The following MYO5A variants were observed in gnomAD, a reference collection of about 807,000 sequenced individuals.
MYO5A encodes the protein unconventional myosin-Va.
In MYO5A, 98 loss-of-function variants were observed where a neutral mutation model predicts 249.7. That is an observed-to-expected ratio of 0.39 (90% CI 0.33 to 0.46). The LOEUF is 0.46. Among genes scored for constraint, MYO5A ranks in the 20% least tolerant of loss-of-function variants. The probability of loss-of-function intolerance (pLI) is 0.98; values close to 1 mark genes in which losing one functional copy is unlikely to be tolerated. For missense variants in MYO5A, 1,696 were observed against 2,308.8 expected, an observed-to-expected ratio of 0.73 and a Z score of 5.44; for synonymous variants, 778 against 810.6, an observed-to-expected ratio of 0.96 and a Z score of 0.68.
chr15:52,358,836 T>C (rs1338345582), intron 25 of MYO5A, among the ~76,000 whole-genome samples: 2 of 152,076 alleles, frequency 1.3e-5, no homozygotes, highest in East Asian at 1.9e-4. Context: ...TACATAGCAA[T>C]AGATAACTGG....
chr15:52,431,545 G>A (rs1417144320), intron 2 of MYO5A, among the ~76,000 whole-genome samples: 1 of 151,914 alleles, frequency 6.6e-6, no homozygotes, highest in Admixed American at 6.6e-5. Flanking sequence ...GCTGAGAAGT[G>A]GTGTCATCTC....
intron 1 of MYO5A, among the ~76,000 whole-genome samples, chr15:52,443,183 A>G (rs2075819721): frequency 6.6e-6 from 1 of 152,190 alleles, no homozygotes; most frequent in Non-Finnish European, 1.5e-5. Context: ...CTAAGACAAC[A>G]TGTCAAAGCC....
intron 40 of MYO5A, among the ~76,000 whole-genome samples, chr15:52,315,613 ATCTG>A (rs1197757796): frequency 4.1e-5 from 6 of 147,074 alleles, no homozygotes; most frequent in African/African-American, 1.3e-4. Context: ...ACCTCAGGTG[ATCTG>A]TCTGCCTCAG....
intron 1 of MYO5A, among the ~76,000 whole-genome samples, chr15:52,511,426 C>G (rs2077387427): frequency 6.6e-6 from 1 of 152,176 alleles, no homozygotes; most frequent in Admixed American, 6.5e-5. Flanking sequence ...TCTTGAATAA[C>G]TGCCTCTGCT....
chr15:52,421,133 C>T (rs960275859), intron 4 of MYO5A, among the ~76,000 whole-genome samples: 1 of 152,072 alleles, frequency 6.6e-6, no homozygotes, highest in Non-Finnish European at 1.5e-5. Context: ...TTACTTAAAG[C>T]CTATTTGCAT....
chr15:52,443,840 G>A (rs1270617893), intron 1 of MYO5A, among the ~76,000 whole-genome samples: 2 of 152,002 alleles, frequency 1.3e-5, no homozygotes, highest in African/African-American at 4.8e-5. Flanking sequence ...AATTAACTGG[G>A]AGTGGTGACA....
chr15:52,434,881 G>A (rs939657249), intron 1 of MYO5A, among the ~76,000 whole-genome samples: 2 of 152,136 alleles, frequency 1.3e-5, no homozygotes, highest in Non-Finnish European at 1.5e-5. Context: ...GACTGAACCC[G>A]GTCTCTGGCC....
intron 25 of MYO5A, among the ~76,000 whole-genome samples, chr15:52,356,030 A>G (rs888361599): frequency 6.6e-6 from 1 of 152,210 alleles, no homozygotes; most frequent in African/African-American, 2.4e-5. Flanking sequence ...GAAGTTGTGG[A>G]TGCCATAATT....
At chr15:52,492,671 C>T (rs1724582) in intron 1 of MYO5A, among the ~76,000 whole-genome samples, 140,930 of 152,220 alleles carry the variant, frequency 0.93, 66,011 homozygotes, top group East Asian at 1. Flanking sequence ...TTCCAAAGGA[C>T]AGCAATCAGG....
chr15:52,411,189 A>C (rs1208081853), intron 5 of MYO5A, among the ~76,000 whole-genome samples: 1 of 152,226 alleles, frequency 6.6e-6, no homozygotes, highest in Non-Finnish European at 1.5e-5. Flanking sequence ...CTTTACATAA[A>C]TAAGATGGTT....
At chr15:52,331,086 AG>A (rs1460082621) in intron 34 of MYO5A, among the ~76,000 whole-genome samples, 1 of 152,240 alleles carries the variant, frequency 6.6e-6, no homozygotes, top group Non-Finnish European at 1.5e-5. Flanking sequence ...TTTTTCACAA[AG>A]GCCTCATATG....
intron 1 of MYO5A, among the ~76,000 whole-genome samples, chr15:52,446,292 A>G (rs2141355093): frequency 6.6e-6 from 1 of 152,332 alleles, no homozygotes; most frequent in East Asian, 1.9e-4. Context: ...AGGGTCAAAA[A>G]AGCCGGGGTA....
At chr15:52,399,783 A>G (rs1490874968) in intron 9 of MYO5A, among the ~76,000 whole-genome samples, 2 of 152,142 alleles carry the variant, frequency 1.3e-5, no homozygotes, top group Non-Finnish European at 2.9e-5. Flanking sequence ...GGTAGTGTGC[A>G]TAGCTGCCAA....
rs749228309 is a variant in MYO5A at position 52,410,311 on chromosome 15, T to G, written c.756+22A>C. On this transcript the variant is annotated intron_variant, in intron 6 of 41. Transcript: ENST00000399233. ...TATACAGCAATCTAACACAAGTGCA[T>G]ATGTGTATATGGCCAGCTTACCTGG... 1.9e-6 allele frequency: 3 copies of G among 1,606,532 alleles called. No homozygotes were observed. In the East Asian group the frequency reaches 6.7e-5, roughly 36 times the overall value.
rs2037792116 is a variant in MYO5A, at chr15:52,312,048, T to G, written c.*1648A>C. ...CTTTTGTGCAACCTGAAGGATTTAT[T>G]GTATAAGATTCCTAAGAAAAATGGT... is the stretch of plus-strand genomic sequence containing the variant. On this transcript the variant is annotated 3_prime_UTR_variant, in exon 42 of 42. Transcript: ENST00000399233. 6.6e-6 allele frequency: 1 copy of G among 152,498 alleles called. No individual in the cohort carries two copies. The highest frequency in any genetic ancestry group is 1.5e-5 in the Non-Finnish European group (1 of 68,036). 9.4% of individuals were successfully genotyped at this position (152,498 alleles called of 1,614,324 possible).
chr15:52,405,534 C>T, intron 8 of MYO5A, 141 bp from the exon 9 acceptor site: 2 of 714,770 alleles, frequency 2.8e-6, no homozygotes, highest in East Asian at 5.5e-5. Context: ...GCTAACAACA[C>T]TTTCATCTTT....
At chr15:52,348,677 A>G in intron 29 of MYO5A, 141 bp downstream of exon 29, 1 of 761,242 alleles carries the variant, frequency 1.3e-6, no homozygotes, top group Non-Finnish European at 2.1e-6. Context: ...GAAGGAGTCA[A>G]ATCGGAAATT....
chr15:52,514,300 A>G (rs1345108425), intron 1 of MYO5A, among the ~76,000 whole-genome samples: 1 of 152,214 alleles, frequency 6.6e-6, no homozygotes, highest in Non-Finnish European at 1.5e-5. Flanking sequence ...CAGCTCAAAA[A>G]AGTTGTCAAT....
intron 2 of MYO5A, among the ~76,000 whole-genome samples, chr15:52,429,737 A>G (rs17707852): frequency 0.76 from 114,845 of 152,038 alleles, 44,292 homozygotes; most frequent in Non-Finnish European, 0.81. Flanking sequence ...ACATTTTAAT[A>G]GGGTTCCTGG....
Sources: gnomAD v4.1 joint callset for allele counts (sites outside exome capture counted in the v4.1 genomes callset) on GRCh38, gnomAD v4.1.1 for gene constraint, MANE v1.5 for transcripts, NCBI Gene and HGNC (gene_info 2026-07-23, HGNC 2026-07-21) for gene names.